ROBO2: variants seen among roughly 807,000 people sequenced by gnomAD.
The protein encoded by ROBO2 is roundabout homolog 2.
In ROBO2, 53 loss-of-function variants were observed where a neutral mutation model predicts 160.8. That is an observed-to-expected ratio of 0.33 (90% CI 0.26 to 0.41). ROBO2 has a LOEUF of 0.41. ROBO2 is among the 10% of genes least tolerant of loss of function. The pLI is 1.00. For missense variants in ROBO2, 1,577 were observed against 1,722.4 expected (o/e 0.92, Z 1.49); for synonymous variants, 664 against 611.7 (o/e 1.09, Z -1.26).
chr3:76,527,973 G>A (rs1424206358), intron 2 of ROBO2, among the ~76,000 whole-genome samples: 1 of 152,082 alleles, frequency 6.6e-6, no homozygotes, highest in Non-Finnish European at 1.5e-5. Context: ...GCCAGAAGGA[G>A]GAAGCAGGAA....
intron 1 of ROBO2, among the ~76,000 whole-genome samples, chr3:75,926,785 T>G (rs1947310988): frequency 6.6e-6 from 1 of 152,168 alleles, no homozygotes; most frequent in African/African-American, 2.4e-5. Flanking sequence ...TTAAAACAAT[T>G]TTTAAGTTCA....
chr3:76,444,068 C>T (rs936033086), intron 2 of ROBO2, among the ~76,000 whole-genome samples: 5 of 152,042 alleles, frequency 3.3e-5, no homozygotes, highest in African/African-American at 4.8e-5. Context: ...CAGGTTCAAG[C>T]GATTCTCCTG....
chr3:77,188,635 G>T (rs1161046518), intron 2 of ROBO2, among the ~76,000 whole-genome samples: 1 of 151,756 alleles, frequency 6.6e-6, no homozygotes, highest in African/African-American at 2.4e-5. Context: ...CCCTTTTCAG[G>T]ATAAAACTGG....
intron 2 of ROBO2, among the ~76,000 whole-genome samples, chr3:76,934,690 G>A (rs1379262023): frequency 1.3e-5 from 2 of 152,052 alleles, no homozygotes; most frequent in Non-Finnish European, 2.9e-5. Flanking sequence ...GCAGTGAGCC[G>A]AGATATACCG....
In ROBO2 at chr3:76,451,687, G is replaced by T. The variant is rs573045943; in HGVS notation, c.109+514085G>T. On this transcript the variant is annotated intron_variant, in intron 2 of 26. Coordinates refer to the ROBO2 transcript ENST00000487694. ...TTAGAAACCATTAAATTATTATAGTGCCATAAGCATTTGGGTTTCTAAATT... is the reference window on the plus strand; with the variant it reads ...TTAGAAACCATTAAATTATTATAGTTCCATAAGCATTTGGGTTTCTAAATT... 8.5e-5 allele frequency among the ~76,000 whole-genome samples: 13 copies of T among 152,240 alleles called. No individual in the cohort carries two copies. The East Asian group carries it at 2.5e-3, about 29-fold the overall frequency.
intron 2 of ROBO2, among the ~76,000 whole-genome samples, chr3:77,124,674 A>G (rs1015178335): frequency 2.6e-5 from 4 of 152,168 alleles, no homozygotes; most frequent in African/African-American, 9.7e-5. Flanking sequence ...GGTAATAGGT[A>G]TACTGGCTTC....
intron 2 of ROBO2, among the ~76,000 whole-genome samples, chr3:76,603,631 T>A (rs2087413592): frequency 6.6e-6 from 1 of 151,862 alleles, no homozygotes; most frequent in Non-Finnish European, 1.5e-5. Context: ...ATACCTTTGC[T>A]ATGGGTGCTG....
chr3:76,904,641 G>A lies in ROBO2; in HGVS notation c.110-193373G>A, dbSNP rs79008098. Among the ~76,000 whole-genome samples, 804 of 152,246 alleles carry A rather than the reference G, an allele frequency of 5.3e-3. 2 individuals carry two copies. Among genetic ancestry groups the A allele is most frequent in the Non-Finnish European group, 9.2e-3 (627 of 68,004 alleles). The stretch of plus-strand genomic sequence containing the variant: ...TGACAGTTCTCCATCCCGTGGCTCA[G>A]AGGGTCTGGGATTTAAGAACAGGCT... On this transcript the variant is annotated intron_variant, in intron 2 of 26. Coordinates refer to the ROBO2 transcript ENST00000487694.
rs371930105 is a variant in ROBO2, at chr3:76,238,785, G to T, written c.109+301183G>T. Among the ~76,000 whole-genome samples the T allele has an allele frequency of 6.6e-5, 10 of 152,192 alleles. No individual in the cohort carries two copies. In the East Asian group the frequency reaches 1.5e-3, roughly 24 times the overall value. On this transcript the variant is annotated intron_variant, in intron 2 of 26. Transcript: ENST00000487694. ...CCATGATCTAATCAACTCCCCACAG[G>T]TCTCCCCCTAGACACGAGGGGATTA...
At chr3:75,992,680 A>G (rs1423355944) in intron 2 of ROBO2, among the ~76,000 whole-genome samples, 1 of 152,188 alleles carries the variant, frequency 6.6e-6, no homozygotes, top group Non-Finnish European at 1.5e-5. Context: ...TCAGAATGGT[A>G]GATCCACTGA....
chr3:77,598,228 A>G (rs946196009), intron 19 of ROBO2, among the ~76,000 whole-genome samples: 6 of 152,116 alleles, frequency 3.9e-5, no homozygotes, highest in South Asian at 2.1e-4. Context: ...AAGGATATTC[A>G]TAGCATGTTC....
At chr3:77,635,848 G>T (rs1349274446) in intron 24 of ROBO2, among the ~76,000 whole-genome samples, 3 of 152,110 alleles carry the variant, frequency 2.0e-5, no homozygotes, top group East Asian at 3.9e-4. Flanking sequence ...TAAGTGACAT[G>T]TGACTGTACC....
chr3:76,070,316 T>G (rs6776905), intron 2 of ROBO2, among the ~76,000 whole-genome samples: 94,778 of 151,956 alleles, frequency 0.62, 30,209 homozygotes, highest in Middle Eastern at 0.75. Context: ...GCACCTGGGG[T>G]TGGGTCTCTG....
At chr3:76,471,448 T>C (rs1421202647) in intron 2 of ROBO2, among the ~76,000 whole-genome samples, 1 of 152,136 alleles carries the variant, frequency 6.6e-6, no homozygotes, top group Non-Finnish European at 1.5e-5. Context: ...TAACTATCTA[T>C]AACACACTGC....
At chr3:77,422,313 A>C (rs1287257761) in intron 2 of ROBO2, among the ~76,000 whole-genome samples, 1 of 152,040 alleles carries the variant, frequency 6.6e-6, no homozygotes, top group African/African-American at 2.4e-5. Context: ...GTGTCCAGGG[A>C]ATCTTGCTTA....
chr3:76,799,891 A>G (rs2064068478), intron 2 of ROBO2, among the ~76,000 whole-genome samples: 1 of 152,172 alleles, frequency 6.6e-6, no homozygotes, highest in African/African-American at 2.4e-5. Context: ...CCAAAATTAG[A>G]TAAAGGACCC....
intron 2 of ROBO2, among the ~76,000 whole-genome samples, chr3:76,632,685 T>C (rs2090098437): frequency 6.6e-6 from 1 of 152,194 alleles, no homozygotes; most frequent in Admixed American, 6.5e-5. Flanking sequence ...GTATACTAAC[T>C]AGAAATAAAT....
chr3:77,087,918 T>C (rs1169826161), intron 1 of ROBO2, among the ~76,000 whole-genome samples: 1 of 151,988 alleles, frequency 6.6e-6, no homozygotes, highest in Non-Finnish European at 1.5e-5. Flanking sequence ...TATTCATATA[T>C]ATATTCTTAG....
At chr3:76,482,007 C>A (rs1228216269) in intron 2 of ROBO2, among the ~76,000 whole-genome samples, 1 of 152,046 alleles carries the variant, frequency 6.6e-6, no homozygotes, top group Non-Finnish European at 1.5e-5. Flanking sequence ...TCCTTGCATT[C>A]AATAAGTCAG....
Sources: gnomAD v4.1 joint callset for allele counts (sites outside exome capture counted in the v4.1 genomes callset) on GRCh38, gnomAD v4.1.1 for gene constraint, MANE v1.5 for transcripts, NCBI Gene and HGNC (gene_info 2026-07-23, HGNC 2026-07-21) for gene names.